KLRB1: variants seen among roughly 807,000 people sequenced by gnomAD.
The protein encoded by KLRB1 is killer cell lectin-like receptor subfamily B member 1.
A neutral mutation model predicts 33.5 loss-of-function variants in KLRB1; 27 were observed. The ratio of observed to expected loss-of-function variants is 0.81; its 90% CI spans 0.59 to 1.11. KLRB1 has a LOEUF of 1.11. Ranked by LOEUF, KLRB1 falls within the 50% of genes most tolerant of loss-of-function variation. The pLI is 0.00. For synonymous variants in KLRB1, 64 were observed against 88.9 expected, an observed-to-expected ratio of 0.72 and a Z score of 1.58; for missense variants, 241 against 254.1, an observed-to-expected ratio of 0.95 and a Z score of 0.35.
chr12:9,602,590 C>G (rs934555560), intron 1 of KLRB1, among the ~76,000 whole-genome samples: 4 of 151,908 alleles, frequency 2.6e-5, no homozygotes, highest in African/African-American at 9.7e-5. Flanking sequence ...TCCCTCTGCT[C>G]TCATTTGGTT....
chr12:9,605,024 T>C (rs574286145), intron 1 of KLRB1, among the ~76,000 whole-genome samples: 40 of 152,220 alleles, frequency 2.6e-4, no homozygotes, highest in Middle Eastern at 3.4e-3. Context: ...GTGTGTGATG[T>C]TCCCTGCCCT....
intron 1 of KLRB1, among the ~76,000 whole-genome samples, chr12:9,605,180 T>C (rs1864586153): frequency 6.6e-6 from 1 of 152,252 alleles, no homozygotes; most frequent in Non-Finnish European, 1.5e-5. Flanking sequence ...TCCTTTTTTA[T>C]GGCTGCACAG....
chr12:9,601,793 C>T (rs1426710331), intron 1 of KLRB1, among the ~76,000 whole-genome samples, 194 bp from the exon 2 acceptor site: 1 of 152,098 alleles, frequency 6.6e-6, no homozygotes, highest in Non-Finnish European at 1.5e-5. Flanking sequence ...AAGATGGGTT[C>T]TCAGATCCAA....
In KLRB1 at chr12:9,598,184, T is replaced by C. The variant is rs1161849906; in HGVS notation, c.415-23A>G. The C allele has an allele frequency of 3.5e-6, 5 of 1,410,634 alleles. No individual in the cohort carries two copies. The African/African-American group carries it at 4.2e-5, about 12-fold the overall frequency. The allele number at this position is 1,410,634 out of a possible 1,614,324, so 87.4% of individuals were successfully genotyped here. A position where few individuals can be genotyped will look rare whatever the true frequency, so the allele number is the denominator to read the frequency against. On this transcript the variant is annotated intron_variant, in intron 4 of 5. Coordinates refer to ENST00000229402, the MANE Select transcript of KLRB1 (RefSeq NM_002258.3). ...TATCTATAAATGGAACAGAAAAATATTGAATCTGCTTATCTATTCCTGGTT... is the reference window on the plus strand; with the variant it reads ...TATCTATAAATGGAACAGAAAAATACTGAATCTGCTTATCTATTCCTGGTT...
intron 1 of KLRB1, among the ~76,000 whole-genome samples, chr12:9,603,226 G>A (rs1296599631): frequency 6.6e-6 from 1 of 152,074 alleles, no homozygotes; most frequent in African/African-American, 2.4e-5. Flanking sequence ...AATGAGAGCT[G>A]GTGTGATACA....
chr12:9,595,137 C>A lies in KLRB1; in HGVS notation c.*137G>T. On this transcript the variant is annotated 3_prime_UTR_variant, in exon 6 of 6. Transcript: ENST00000229402. ...GATAAACATGAACTTCTGTAAGATT[C>A]ATAACAGTTGTCAATTCTCAGAATT... 1.5e-6 allele frequency: 1 copy of A among 663,508 alleles called. No individual in the cohort carries two copies. The highest frequency in any genetic ancestry group is 2.6e-6 in the Non-Finnish European group (1 of 385,822). The allele number at this position is 663,508 out of a possible 1,614,324, so 41.1% of individuals were successfully genotyped here.
chr12:9,597,875 A>G (rs1389815723), intron 5 of KLRB1, among the ~76,000 whole-genome samples, 171 bp downstream of exon 5: 1 of 152,176 alleles, frequency 6.6e-6, no homozygotes, highest in East Asian at 1.9e-4. Flanking sequence ...ATATCTTTTC[A>G]TATATAGAAC....
At chr12:9,595,645 A>C (rs1298082778) in intron 5 of KLRB1, among the ~76,000 whole-genome samples, 1 of 152,156 alleles carries the variant, frequency 6.6e-6, no homozygotes, top group Non-Finnish European at 1.5e-5. Flanking sequence ...CCCTCTAACA[A>C]GAAACTTCAC....
intron 1 of KLRB1, among the ~76,000 whole-genome samples, chr12:9,606,739 TA>T (rs1864607089): frequency 7.7e-5 from 1 of 12,980 alleles, no homozygotes; most frequent in Admixed American, 1.3e-3. Flanking sequence ...AAAAAGTATA[TA>T]TATATATATA....
At chr12:9,606,752 ATATATATATTTT>A (rs1864608672) in intron 1 of KLRB1, among the ~76,000 whole-genome samples, 9 of 29,912 alleles carry the variant, frequency 3.0e-4, no homozygotes, top group African/African-American at 1.2e-3. Flanking sequence ...ATATATATAT[ATATATATATTTT>A]TTTTTTTTTT....
intron 5 of KLRB1, among the ~76,000 whole-genome samples, chr12:9,597,119 AATT>A (rs1397444568): frequency 1.3e-5 from 2 of 152,152 alleles, no homozygotes; most frequent in South Asian, 2.1e-4. Flanking sequence ...ATACTTAATA[AATT>A]ATCTTAGGAT....
At chr12:9,606,761 T>C (rs1243295757) in intron 1 of KLRB1, among the ~76,000 whole-genome samples, 3 of 23,678 alleles carry the variant, frequency 1.3e-4, no homozygotes, top group Non-Finnish European at 2.2e-4. Context: ...TATATATATA[T>C]TTTTTTTTTT....
chr12:9,607,392 C>CTTTCTT (rs1864630107), intron 1 of KLRB1, among the ~76,000 whole-genome samples: 3 of 87,502 alleles, frequency 3.4e-5, no homozygotes, highest in African/African-American at 3.9e-5. Flanking sequence ...TTCTTTCTTT[C>CTTTCTT]TTTCTTTCTT....
At chr12:9,605,356 A>G (rs1242099981) in intron 1 of KLRB1, among the ~76,000 whole-genome samples, 2 of 152,220 alleles carry the variant, frequency 1.3e-5, no homozygotes, top group African/African-American at 4.8e-5. Context: ...TATACCCAGT[A>G]GTGGGATCAC....
Position 9,607,346 on chromosome 12 carries a change from T to TCC in KLRB1, c.85+408_85+409insGG, listed in dbSNP as rs1565444581. Among the ~76,000 whole-genome samples, 99 of 61,030 alleles carry TCC rather than the reference T, an allele frequency of 1.6e-3. 1 individual carries two copies. The highest frequency in any genetic ancestry group is 5.0e-3 in the Admixed American group (29 of 5,760). 40.0% of individuals were successfully genotyped at this position (61,030 alleles called of 152,430 possible). On this transcript the variant is annotated intron_variant, in intron 1 of 5. Transcript: ENST00000229402. ...CTTTCTCTTTCTTTCCTTTCTTTCT[T>TCC]TCTTTCTTCCTTTCTTTCTTTCTTT...
At chr12:9,604,455 T>C (rs7953065) in intron 1 of KLRB1, among the ~76,000 whole-genome samples, 145,898 of 152,208 alleles carry the variant, frequency 0.96, 70,234 homozygotes, top group East Asian at 1. Flanking sequence ...AGAGTGACCA[T>C]AGCCTCAACA....
chr12:9,595,267 T>C lies in KLRB1; in HGVS notation c.*7A>G, dbSNP rs1864482280. On this transcript the variant is annotated 3_prime_UTR_variant, in exon 6 of 6. Transcript: ENST00000229402. The stretch of plus-strand genomic sequence containing the variant: ...GGGAAGCAAATAAATTGAGATGGGA[T>C]TCATAGTCAAGAGTCAGGATACACT... The C allele has an allele frequency of 6.2e-7, 1 of 1,612,274 alleles. No homozygotes were observed. The highest frequency in any genetic ancestry group is 2.2e-5 in the East Asian group (1 of 44,788).
chr12:9,606,749 TATATATATATA>T lies in KLRB1; in HGVS notation c.85+995_85+1005del, dbSNP rs1864608241. Among the ~76,000 whole-genome samples, 4 of 31,902 alleles carry T rather than the reference TATATATATATA, an allele frequency of 1.3e-4. 1 individual carries two copies. The highest frequency in any genetic ancestry group is 5.3e-4 in the African/African-American group (4 of 7,582). 20.9% of individuals were successfully genotyped at this position (31,902 alleles called of 152,430 possible). On this transcript the variant is annotated intron_variant, in intron 1 of 5. Coordinates refer to ENST00000229402, the MANE Select transcript of KLRB1 (RefSeq NM_002258.3). ...TGTATAAAAAGTATATATATATATA[TATATATATATA>T]TTTTTTTTTTTTTTTTGAGATAGTC...
rs1285915836 is a variant in KLRB1 at position 9,606,758 on chromosome 12, A to ATTTTTTT, written c.85+996_85+997insAAAAAAA. Among the ~76,000 whole-genome samples the ATTTTTTT allele has an allele frequency of 2.6e-4, 17 of 65,896 alleles. 1 individual carries two copies. The highest frequency in any genetic ancestry group is 4.3e-4 in the Non-Finnish European group (17 of 39,342). The allele number at this position is 65,896 out of a possible 152,430, so 43.2% of individuals were successfully genotyped here. On this transcript the variant is annotated intron_variant, in intron 1 of 5. Coordinates refer to ENST00000229402, the MANE Select transcript of KLRB1 (RefSeq NM_002258.3). ...AGTATATATATATATATATATATAT[A>ATTTTTTT]TATTTTTTTTTTTTTTTTGAGATAG...
Sources: gnomAD v4.1 joint callset for allele counts (sites outside exome capture counted in the v4.1 genomes callset) on GRCh38, gnomAD v4.1.1 for gene constraint, MANE v1.5 for transcripts, NCBI Gene and HGNC (gene_info 2026-07-23, HGNC 2026-07-21) for gene names.